Variants in PTPRT observed in about 807,000 individuals in gnomAD.
The protein encoded by PTPRT is protein tyrosine phosphatase receptor type T.
A neutral mutation model predicts 176.8 loss-of-function variants in PTPRT; 56 were observed. That is an observed-to-expected ratio of 0.32 (90% CI 0.26 to 0.40). PTPRT has a LOEUF of 0.40. PTPRT is among the 10% of genes least tolerant of loss of function. PTPRT has a pLI of 1.00. For missense variants in PTPRT, 1,540 were observed against 1,908.2 expected (o/e 0.81, Z 3.60); for synonymous variants, 783 against 739.0 (o/e 1.06, Z -0.96).
chr20:42,975,886 A>G (rs1007246751), intron 1 of PTPRT, among the ~76,000 whole-genome samples: 1 of 151,936 alleles, frequency 6.6e-6, no homozygotes, highest in African/African-American at 2.4e-5. Flanking sequence ...AAATTAAATT[A>G]AAAATTAAAA....
rs117355378 is a variant in PTPRT, at chr20:42,889,596, G to A, written c.89-3664C>T. Reference sequence around the variant, plus strand: ...TCCTACAGAAGAGTTTCTAGAAATGGGCTCCTGTTCTGCACTTTTATCACT... The same window carrying A: ...TCCTACAGAAGAGTTTCTAGAAATGAGCTCCTGTTCTGCACTTTTATCACT... On this transcript the variant is annotated intron_variant, in intron 1 of 30. Coordinates refer to ENST00000373187, the MANE Select transcript of PTPRT (RefSeq NM_007050.6). Among the ~76,000 whole-genome samples the A allele has an allele frequency of 8.9e-3, 1,350 of 152,270 alleles. 10 individuals are homozygous for A. The highest frequency in any genetic ancestry group is 0.012 in the Non-Finnish European group (848 of 68,020).
chr20:42,508,486 G>A (rs2071890172), intron 7 of PTPRT, among the ~76,000 whole-genome samples: 1 of 152,068 alleles, frequency 6.6e-6, no homozygotes, highest in South Asian at 2.1e-4. Context: ...TTGTGGTGGA[G>A]AATATAAAGA....
chr20:42,972,685 A>AC (rs1259010660), intron 1 of PTPRT, among the ~76,000 whole-genome samples: 1 of 147,350 alleles, frequency 6.8e-6, no homozygotes. Flanking sequence ...GCAAAAAAAA[A>AC]AAAAAAAAAA....
intron 17 of PTPRT, among the ~76,000 whole-genome samples, chr20:42,149,861 G>A (rs1236955187): frequency 2.6e-5 from 4 of 151,986 alleles, no homozygotes; most frequent in Non-Finnish European, 5.9e-5. Context: ...TCTGGTACCC[G>A]CCCCAGACTA....
At chr20:42,248,484 C>G (rs1293187051) in intron 14 of PTPRT, among the ~76,000 whole-genome samples, 1 of 152,164 alleles carries the variant, frequency 6.6e-6, no homozygotes, top group African/African-American at 2.4e-5. Flanking sequence ...ATGGCCACCT[C>G]AGGACCACCT....
At chr20:42,906,866 G>T (rs953113405) in intron 1 of PTPRT, among the ~76,000 whole-genome samples, 1 of 146,330 alleles carries the variant, frequency 6.8e-6, no homozygotes, top group Middle Eastern at 3.5e-3. Context: ...TTCTAATCTG[G>T]AAAAAAAAAA....
chr20:43,023,539 T>C (rs1464185331), intron 1 of PTPRT, among the ~76,000 whole-genome samples: 3 of 152,178 alleles, frequency 2.0e-5, no homozygotes, highest in Non-Finnish European at 4.4e-5. Context: ...TTGCTTCCCT[T>C]CCTGAGTGGA....
intron 9 of PTPRT, among the ~76,000 whole-genome samples, chr20:42,404,532 T>C (rs2058941180): frequency 2.0e-5 from 3 of 152,170 alleles, no homozygotes; most frequent in Admixed American, 2.0e-4. Flanking sequence ...GAGAATGTGA[T>C]GTGGTGGAAA....
intron 15 of PTPRT, among the ~76,000 whole-genome samples, chr20:42,202,667 C>T (rs1991500228): frequency 6.6e-6 from 1 of 152,162 alleles, no homozygotes; most frequent in South Asian, 2.1e-4. Flanking sequence ...AGATTCTTTG[C>T]TTCTATCTGA....
chr20:42,601,357 C>T (rs1359685208), intron 7 of PTPRT, among the ~76,000 whole-genome samples: 2 of 152,148 alleles, frequency 1.3e-5, no homozygotes, highest in African/African-American at 2.4e-5. Context: ...CCATCTCACC[C>T]GTCACAAAAG....
At chr20:42,369,044 C>T (rs1265158526) in intron 9 of PTPRT, among the ~76,000 whole-genome samples, 1 of 151,132 alleles carries the variant, frequency 6.6e-6, no homozygotes, top group Non-Finnish European at 1.5e-5. Context: ...TTCTTTCTCC[C>T]CTTCCCTCCT....
chr20:42,822,169 AACCAAAACAGCATGGTACCTGT>A (rs1331339073), intron 2 of PTPRT, among the ~76,000 whole-genome samples: 2 of 152,226 alleles, frequency 1.3e-5, no homozygotes, highest in African/African-American at 2.4e-5. Flanking sequence ...AGGATACAGC[AACCAAAACAGCATGGTACCTGT>A]ACCAAAACAG....
chr20:42,265,746 G>T lies in PTPRT; in HGVS notation c.2176+16743C>A, dbSNP rs558791267. On this transcript the variant is annotated intron_variant, in intron 13 of 30. Transcript: ENST00000373187. ...TGGAGGGTCACTGAAGCCTCAGGGT[G>T]TCCAAGCTCACAGGGCCCAGGGCAT... is the stretch of plus-strand genomic sequence containing the variant. Among the ~76,000 whole-genome samples, 13 of 152,284 alleles carry T rather than the reference G, an allele frequency of 8.5e-5. No homozygotes were observed. In the South Asian group the frequency reaches 2.3e-3, roughly 27 times the overall value.
intron 9 of PTPRT, among the ~76,000 whole-genome samples, chr20:42,442,893 T>A (rs530230979): frequency 6.6e-6 from 1 of 152,314 alleles, no homozygotes; most frequent in East Asian, 1.9e-4. Flanking sequence ...CTGTCCGCAA[T>A]TGCGACGGTC....
In PTPRT at chr20:42,080,095, C is replaced by G; in HGVS notation, c.*784G>C. 2 of 233,052 alleles carry G rather than the reference C, an allele frequency of 8.6e-6. No homozygotes were observed. The highest frequency in any genetic ancestry group is 4.4e-5 in the African/African-American group (2 of 45,468). 14.4% of individuals were successfully genotyped at this position (233,052 alleles called of 1,614,324 possible). A position where few individuals can be genotyped will look rare whatever the true frequency, so the allele number is the denominator to read the frequency against. On this transcript the variant is annotated 3_prime_UTR_variant, in exon 31 of 31. Coordinates refer to ENST00000373187, the MANE Select transcript of PTPRT (RefSeq NM_007050.6). ...CCTACAGGTCAGCCCAAGCCCTGCCCCAGGGAGGTGGTCCCTTTTTACAAA... is the reference window on the plus strand; with the variant it reads ...CCTACAGGTCAGCCCAAGCCCTGCCGCAGGGAGGTGGTCCCTTTTTACAAA...
intron 2 of PTPRT, among the ~76,000 whole-genome samples, chr20:42,849,213 C>G (rs968849119): frequency 2.0e-5 from 3 of 152,116 alleles, no homozygotes; most frequent in African/African-American, 7.2e-5. Flanking sequence ...AAACAGGGGT[C>G]TTTCTGACAG....
intron 1 of PTPRT, among the ~76,000 whole-genome samples, chr20:43,078,275 T>A (rs2011333243): frequency 6.6e-6 from 1 of 152,220 alleles, no homozygotes; most frequent in Non-Finnish European, 1.5e-5. Context: ...GGCACCAGTG[T>A]CTTGTGAACT....
chr20:42,593,519 C>T (rs377064439), intron 7 of PTPRT, among the ~76,000 whole-genome samples: 1 of 152,132 alleles, frequency 6.6e-6, no homozygotes, highest in Admixed American at 6.6e-5. Context: ...ACTGAGCTGG[C>T]GAGCTCATTT....
At chr20:42,124,730 C>A (rs1987769716) in intron 19 of PTPRT, among the ~76,000 whole-genome samples, 2 of 152,126 alleles carry the variant, frequency 1.3e-5, no homozygotes, top group Admixed American at 6.5e-5. Flanking sequence ...TATAGAGACC[C>A]CAGGAATTTT....
Sources: gnomAD v4.1 joint callset for allele counts (sites outside exome capture counted in the v4.1 genomes callset) on GRCh38, gnomAD v4.1.1 for gene constraint, MANE v1.5 for transcripts, NCBI Gene and HGNC (gene_info 2026-07-23, HGNC 2026-07-21) for gene names.